Variants in TRIM62 observed in about 807,000 individuals in gnomAD.
TRIM62 encodes the protein E3 ubiquitin-protein ligase TRIM62.
A neutral mutation model predicts 44.2 loss-of-function variants in TRIM62; 39 were observed. The ratio of observed to expected loss-of-function variants is 0.88; its 90% CI spans 0.68 to 1.15. The LOEUF is 1.15. Among genes scored for constraint, TRIM62 ranks in the 50% most tolerant of loss-of-function variants. The pLI is 0.00. For missense variants in TRIM62, 544 were observed against 665.5 expected, an observed-to-expected ratio of 0.82 and a Z score of 2.01; for synonymous variants, 278 against 292.3, an observed-to-expected ratio of 0.95 and a Z score of 0.50.
At chr1:33,153,878 A>G (rs1645136293) in intron 4 of TRIM62, among the ~76,000 whole-genome samples, 1 of 152,164 alleles carries the variant, frequency 6.6e-6, no homozygotes, top group Non-Finnish European at 1.5e-5. Flanking sequence ...AGCTGCTGGG[A>G]GTGAATCAGA....
intron 4 of TRIM62, among the ~76,000 whole-genome samples, chr1:33,155,108 G>T (rs1273280804): frequency 1.6e-4 from 23 of 143,930 alleles, no homozygotes; most frequent in Non-Finnish European, 2.6e-4. Flanking sequence ...GTCTCGCTCT[G>T]TCGCCCAGGC....
At chr1:33,154,425 C>T (rs954999882) in intron 4 of TRIM62, among the ~76,000 whole-genome samples, 1 of 152,186 alleles carries the variant, frequency 6.6e-6, no homozygotes, top group Non-Finnish European at 1.5e-5. Flanking sequence ...CTGGGGCCTG[C>T]CAGCTTCTCA....
intron 2 of TRIM62, chr1:33,162,785 G>A (rs916984034): frequency 6.6e-6 from 1 of 152,428 alleles, no homozygotes. Flanking sequence ...GAGTCCTACT[G>A]ACCTACCTGG....
intron 1 of TRIM62, among the ~76,000 whole-genome samples, chr1:33,168,320 G>T (rs1300394007): frequency 6.6e-6 from 1 of 152,232 alleles, no homozygotes; most frequent in African/African-American, 2.4e-5. Context: ...AGTCCCTGAT[G>T]ACTGTGGGGC....
At chr1:33,153,254 C>T (rs1338692896) in intron 4 of TRIM62, among the ~76,000 whole-genome samples, 3 of 152,164 alleles carry the variant, frequency 2.0e-5, no homozygotes, top group African/African-American at 4.8e-5. Flanking sequence ...TTCACAGGCC[C>T]CACAGACAAA....
In TRIM62 at chr1:33,159,563, T is replaced by G; in HGVS notation, c.761+125A>C. The G allele has an allele frequency of 3.7e-6, 5 of 1,351,986 alleles. No homozygotes were observed. The highest frequency in any genetic ancestry group is 4.9e-6 in the Non-Finnish European group (5 of 1,017,862). The allele number at this position is 1,351,986 out of a possible 1,614,324, so 83.7% of individuals were successfully genotyped here. A position where few individuals can be genotyped will look rare whatever the true frequency, so the allele number is the denominator to read the frequency against. On this transcript the variant is annotated intron_variant, in intron 3 of 4. Transcript: ENST00000291416. This position sits in a 1 kb window ranked among gnomAD's most constrained non-coding sequence, Gnocchi z 4.2. ...CTACCCATAGCAGATGTCCCGTAAA[T>G]GTTTGATGAAGATTTGAATGAAAGA...
chr1:33,148,587 G>C (rs985589913), intron 4 of TRIM62, among the ~76,000 whole-genome samples: 6 of 152,160 alleles, frequency 3.9e-5, no homozygotes, highest in Admixed American at 2.6e-4. Flanking sequence ...GATTGTGGGT[G>C]AGCATCTACA....
At position 33,159,750 on chromosome 1, in the gene TRIM62, C is replaced by CT; in HGVS notation, c.698dup (p.Glu234GlyfsTer5). ...GCCGGTCGGTTTCAGCCAGCCGCTC[C>CT]TGCAGGATCTGGGCTCCCTCCTGGA... On this transcript the variant is annotated frameshift_variant, in exon 3 of 5. Coordinates refer to ENST00000291416, the MANE Select transcript of TRIM62 (RefSeq NM_018207.3). LOFTEE classifies it high-confidence loss of function. This position sits in a 1 kb window ranked among gnomAD's most constrained non-coding sequence, Gnocchi z 4.2. The CT allele has an allele frequency of 6.2e-7, 1 of 1,613,368 alleles. No individual in the cohort carries two copies. The highest frequency in any genetic ancestry group is 8.5e-7 in the Non-Finnish European group (1 of 1,179,932).
chr1:33,180,867 C>G (rs1368750985), intron 1 of TRIM62, among the ~76,000 whole-genome samples, 158 bp downstream of exon 1: 1 of 151,022 alleles, frequency 6.6e-6, no homozygotes, highest in Admixed American at 6.6e-5. Flanking sequence ...CCCTCCCTGC[C>G]CCGCGTTACT....
At position 33,177,896 on chromosome 1, in the gene TRIM62, C is replaced by T. The variant is rs1374441657; in HGVS notation, c.408+3129G>A. Among the ~76,000 whole-genome samples, 1 of 152,176 alleles carries T rather than the reference C, an allele frequency of 6.6e-6. No homozygotes were observed. Among genetic ancestry groups the T allele is most frequent in the Non-Finnish European group, 1.5e-5 (1 of 68,032 alleles). ...ATCTTGTTTAATCCTAATATAATTA[C>T]TTCCATGCTGTCCATGAAGGACCCA... On this transcript the variant is annotated intron_variant, in intron 1 of 4. Coordinates refer to ENST00000291416, the MANE Select transcript of TRIM62 (RefSeq NM_018207.3). This position sits in a 1 kb window ranked among gnomAD's most constrained non-coding sequence, Gnocchi z 4.1.
Position 33,165,713 on chromosome 1 carries a change from A to G in TRIM62, c.409-147T>C. Reference sequence around the variant, plus strand: ...TCCCGTCACAGTTCAACCACCAGCAAGTCCTGTAGAGTCTGTCTCCTAAAC... The same window carrying G: ...TCCCGTCACAGTTCAACCACCAGCAGGTCCTGTAGAGTCTGTCTCCTAAAC... On this transcript the variant is annotated intron_variant, in intron 1 of 4. Transcript: ENST00000291416. This position sits in a 1 kb window ranked among gnomAD's most constrained non-coding sequence, Gnocchi z 4.0. The G allele has an allele frequency of 1.8e-6, 1 of 556,070 alleles. No homozygotes were observed. Among genetic ancestry groups the G allele is most frequent in the Non-Finnish European group, 3.0e-6 (1 of 328,850 alleles). 34.4% of individuals were successfully genotyped at this position (556,070 alleles called of 1,614,324 possible). A position where few individuals can be genotyped will look rare whatever the true frequency, so the allele number is the denominator to read the frequency against.
At chr1:33,180,209 A>G (rs2975805) in intron 1 of TRIM62, among the ~76,000 whole-genome samples, 2,641 of 152,298 alleles carry the variant, frequency 0.017, 15 homozygotes, top group African/African-American at 0.019. Context: ...ACAGAGCCAA[A>G]GAGGTCATCA....
chr1:33,162,579 G>A (rs1221850746), intron 2 of TRIM62, among the ~76,000 whole-genome samples: 1 of 152,206 alleles, frequency 6.6e-6, no homozygotes, highest in Admixed American at 6.5e-5. Flanking sequence ...TTGCTTGAGG[G>A]GTGAAGGAGG....
intron 1 of TRIM62, chr1:33,176,492 C>T (rs1261887051): frequency 7.3e-6 from 5 of 681,046 alleles, no homozygotes; most frequent in Non-Finnish European, 1.4e-5. Context: ...TCACATGAGG[C>T]CTGGAGGGGG....
At chr1:33,152,614 C>G (rs957232020) in intron 4 of TRIM62, among the ~76,000 whole-genome samples, 3 of 150,990 alleles carry the variant, frequency 2.0e-5, no homozygotes, top group Non-Finnish European at 4.4e-5. Flanking sequence ...TCTGTCGATT[C>G]ATGATGATAA....
rs760950665 is a variant in TRIM62 at position 33,147,070 on chromosome 1, AGGTCTCCAGTGGCCAC to A, written c.*91_*106del. The A allele has an allele frequency of 1.1e-5, 13 of 1,232,596 alleles. No individual in the cohort carries two copies. The highest frequency in any genetic ancestry group is 1.5e-5 in the Non-Finnish European group (13 of 874,872). 76.4% of individuals were successfully genotyped at this position (1,232,596 alleles called of 1,614,324 possible). On this transcript the variant is annotated 3_prime_UTR_variant, in exon 5 of 5. Transcript: ENST00000291416. This position sits in a 1 kb window ranked among gnomAD's most constrained non-coding sequence, Gnocchi z 8.1. ...GGCTGGAGGGTAAACAACTGGCCTG[AGGTCTCCAGTGGCCAC>A]GGTGGGCTGGAGTCCAGGTCTTCTA...
In TRIM62 at chr1:33,161,173, C is replaced by T. The variant is rs527243537; in HGVS notation, c.505-1229G>A. On this transcript the variant is annotated intron_variant, in intron 2 of 4. Coordinates refer to ENST00000291416, the MANE Select transcript of TRIM62 (RefSeq NM_018207.3). This position sits in a 1 kb window ranked among gnomAD's most constrained non-coding sequence, Gnocchi z 4.3. ...CGCACTCCAAGGCGCAGAGAAAGAG[C>T]CTGGTTATTGAAGACTGCAATTCTA... Among the ~76,000 whole-genome samples the T allele has an allele frequency of 2.0e-4, 31 of 152,294 alleles. No homozygotes were observed. The highest frequency in any genetic ancestry group is 7.5e-4 in the African/African-American group (31 of 41,570).
intron 1 of TRIM62, chr1:33,176,569 C>A: frequency 1.7e-6 from 1 of 595,484 alleles, no homozygotes. Context: ...GAGCCGGATG[C>A]CACGTCTGCT....
rs1645022067 is a variant in TRIM62, at chr1:33,146,398, T to C, written c.*779A>G. On this transcript the variant is annotated 3_prime_UTR_variant, in exon 5 of 5. Coordinates refer to ENST00000291416, the MANE Select transcript of TRIM62 (RefSeq NM_018207.3). ...CCTGGCTGAAGAGGGTTGGCTGGAC[T>C]CTTGTTCAGAGCTACTGGGGACCTC... The C allele has an allele frequency of 6.2e-6, 1 of 161,450 alleles. No individual in the cohort carries two copies. The highest frequency in any genetic ancestry group is 1.7e-4 in the South Asian group (1 of 5,904). The allele number at this position is 161,450 out of a possible 1,614,324, so 10.0% of individuals were successfully genotyped here.
Sources: allele counts gnomAD v4.1 joint callset (sites outside exome capture counted in the v4.1 genomes callset), GRCh38; gene constraint gnomAD v4.1.1; non-coding constraint Gnocchi (gnomAD v3.1); transcripts MANE v1.5; gene names NCBI Gene and HGNC (gene_info 2026-07-23, HGNC 2026-07-21).